The following NEDD4 variants were observed in gnomAD, a reference collection of about 807,000 sequenced individuals.
NEDD4 encodes E3 ubiquitin-protein ligase NEDD4.
In NEDD4, 99 loss-of-function variants were observed where a neutral mutation model predicts 144.9. That is an observed-to-expected ratio of 0.68 (90% CI 0.58 to 0.81). The LOEUF is 0.81. Ranked by LOEUF, NEDD4 falls within the 30% of genes least tolerant of loss-of-function variation. The pLI is 0.00. For missense variants in NEDD4, 985 were observed against 1,065.9 expected (o/e 0.92, Z 1.06); for synonymous variants, 318 against 350.6 (o/e 0.91, Z 1.04).
chr15:55,975,676 C>A (rs778146495), intron 1 of NEDD4, among the ~76,000 whole-genome samples: 1 of 151,340 alleles, frequency 6.6e-6, no homozygotes, highest in Non-Finnish European at 1.5e-5. Context: ...TGGATTGGAA[C>A]AATCAATATT....
At chr15:55,863,647 G>A (rs1030255270) in intron 8 of NEDD4, among the ~76,000 whole-genome samples, 2 of 152,158 alleles carry the variant, frequency 1.3e-5, no homozygotes, top group African/African-American at 4.8e-5. Flanking sequence ...CGGAAAGTTG[G>A]AAAGTACTGA....
intron 12 of NEDD4, among the ~76,000 whole-genome samples, chr15:55,854,105 C>T (rs1321559906): frequency 3.9e-5 from 6 of 152,118 alleles, no homozygotes; most frequent in Admixed American, 6.5e-5. Context: ...GAGCCGAGAT[C>T]GCCTGGGCAC....
rs1305103721 is a variant in NEDD4, at chr15:55,862,966, G to A, written c.621C>T (p.Thr207=). The stretch of plus-strand genomic sequence containing the variant: ...TTCTAGATTCATGGTTTACATAATA[G>A]GTCCTTCCAAGGATATCCTGCCTCT... ...WEERQDILGR[T]YYVNHESRRT... is the part of the protein sequence containing the mutation. Residue 207 remains threonine (T), a synonymous_variant, in exon 9 of 29, where the codon ACC becomes ACT. Coordinates refer to ENST00000435532, the MANE Select transcript of NEDD4 (RefSeq NM_006154.4). 6.2e-7 allele frequency: 1 copy of A among 1,608,860 alleles called. No homozygotes were observed. Among genetic ancestry groups the A allele is most frequent in the African/African-American group, 1.3e-5 (1 of 74,804 alleles).
intron 24 of NEDD4, among the ~76,000 whole-genome samples, chr15:55,835,420 GTTTTTTT>G (rs56792157): frequency 9.2e-6 from 1 of 108,376 alleles, no homozygotes; most frequent in Non-Finnish European, 1.9e-5. Context: ...CTCCTGTTCT[GTTTTTTT>G]TTTTTTTTTT....
At chr15:55,979,645 G>A (rs1175361213) in intron 1 of NEDD4, among the ~76,000 whole-genome samples, 6 of 151,946 alleles carry the variant, frequency 3.9e-5, no homozygotes, top group Non-Finnish European at 7.4e-5. Flanking sequence ...GAGCCACCGC[G>A]CCCGGCGAAA....
At chr15:55,942,085 G>T (rs60868661) in intron 4 of NEDD4, among the ~76,000 whole-genome samples, 2,408 of 150,908 alleles carry the variant, frequency 0.016, 77 homozygotes, top group African/African-American at 0.056. Context: ...TCTAGTTGTT[G>T]TATCAGTTAC....
At chr15:55,897,376 C>T (rs924234898) in intron 5 of NEDD4, among the ~76,000 whole-genome samples, 2 of 152,080 alleles carry the variant, frequency 1.3e-5, no homozygotes, top group South Asian at 2.1e-4. Context: ...TACTCTAGGA[C>T]GTGGAGGGAA....
At chr15:55,873,387 A>G (rs944951447) in intron 6 of NEDD4, among the ~76,000 whole-genome samples, 1 of 152,180 alleles carries the variant, frequency 6.6e-6, no homozygotes, top group Non-Finnish European at 1.5e-5. Context: ...TGTTTGTCCA[A>G]AAATAAATTT....
In NEDD4 at chr15:55,840,730, G is replaced by A. The variant is rs772199349; in HGVS notation, c.1839-3C>T. On this transcript the variant is annotated splice_polypyrimidine_tract_variant and splice_region_variant and intron_variant, in intron 19 of 28. Coordinates refer to ENST00000435532, the MANE Select transcript of NEDD4 (RefSeq NM_006154.4). ...TTATCTGTAGGGTATAATTGTCCCTGTAAAGACAACCCCATTTAAATACTT... is the reference window on the plus strand; with the variant it reads ...TTATCTGTAGGGTATAATTGTCCCTATAAAGACAACCCCATTTAAATACTT... 4 of 1,602,266 alleles carry A rather than the reference G, an allele frequency of 2.5e-6. No individual in the cohort carries two copies. Among genetic ancestry groups the A allele is most frequent in the African/African-American group, 1.3e-5 (1 of 74,322 alleles).
chr15:55,830,035 C>T (rs1192931847), intron 28 of NEDD4, 36 bp from the exon 29 acceptor site: 1 of 1,479,076 alleles, frequency 6.8e-7, no homozygotes, highest in South Asian at 1.2e-5. Flanking sequence ...ATGAAAGACA[C>T]TGACAAAGCA....
intron 1 of NEDD4, among the ~76,000 whole-genome samples, chr15:55,984,986 G>A (rs1380458020): frequency 6.6e-6 from 1 of 152,326 alleles, no homozygotes; most frequent in African/African-American, 2.4e-5. Context: ...AAATGCTATA[G>A]AATATTTCTG....
chr15:55,840,305 TAAAATGTTGAGGAA>T (rs1235585932), intron 21 of NEDD4, 128 bp downstream of exon 21: 1 of 782,808 alleles, frequency 1.3e-6, no homozygotes, highest in Non-Finnish European at 2.0e-6. Flanking sequence ...ATTTTCATAA[TAAAATGTTGAGGAA>T]AAAGTTCATT....
chr15:55,945,977 C>T (rs957557677), intron 4 of NEDD4, among the ~76,000 whole-genome samples: 1 of 152,110 alleles, frequency 6.6e-6, no homozygotes, highest in Non-Finnish European at 1.5e-5. Flanking sequence ...CACCACCAGG[C>T]CTGCCTTACA....
intron 5 of NEDD4, among the ~76,000 whole-genome samples, chr15:55,888,987 T>C (rs1263761926): frequency 6.6e-6 from 1 of 152,160 alleles, no homozygotes; most frequent in Non-Finnish European, 1.5e-5. Context: ...GACCTTGAAC[T>C]ATCAAAGTAA....
At chr15:55,907,386 T>C (rs2036135917) in intron 5 of NEDD4, among the ~76,000 whole-genome samples, 1 of 152,210 alleles carries the variant, frequency 6.6e-6, no homozygotes, top group Non-Finnish European at 1.5e-5. Flanking sequence ...GGCAATCACA[T>C]ATCTCAATGT....
At chr15:55,879,825 G>T (rs1456744425) in intron 5 of NEDD4, among the ~76,000 whole-genome samples, 1 of 151,954 alleles carries the variant, frequency 6.6e-6, no homozygotes, top group African/African-American at 2.4e-5. Context: ...TCAGAAAGTA[G>T]AACTAAAAGA....
At chr15:55,955,166 C>T (rs1251865297) in intron 2 of NEDD4, among the ~76,000 whole-genome samples, 4 of 151,980 alleles carry the variant, frequency 2.6e-5, no homozygotes, top group South Asian at 2.1e-4. Flanking sequence ...GGACTACAGG[C>T]GCACACCACC....
chr15:55,935,151 A>G (rs183965926), intron 4 of NEDD4, among the ~76,000 whole-genome samples: 8 of 152,266 alleles, frequency 5.3e-5, no homozygotes, highest in African/African-American at 1.7e-4. Flanking sequence ...TACAGGCATG[A>G]GCCACCATGT....
chr15:55,914,492 G>T (rs1016043728), intron 5 of NEDD4, among the ~76,000 whole-genome samples: 1 of 151,834 alleles, frequency 6.6e-6, no homozygotes, highest in Non-Finnish European at 1.5e-5. Flanking sequence ...TCAAAAAAAT[G>T]AAAAGGTAAA....
Sources: gnomAD v4.1 joint callset for allele counts (sites outside exome capture counted in the v4.1 genomes callset) on GRCh38, gnomAD v4.1.1 for gene constraint, MANE v1.5 for transcripts, NCBI Gene and HGNC (gene_info 2026-07-23, HGNC 2026-07-21) for gene names.